The following NFKB1 variants were observed in gnomAD, a reference collection of about 807,000 sequenced individuals.
NFKB1 encodes nuclear factor kappa B subunit 1, also known as nuclear factor NF-kappa-B p105 subunit.
In NFKB1, 9 loss-of-function variants were observed where a neutral mutation model predicts 105.1. That is an observed-to-expected ratio of 0.09 (90% CI 0.05 to 0.15). NFKB1 has a LOEUF of 0.15. Among genes scored for constraint, NFKB1 ranks in the 10% least tolerant of loss-of-function variants. NFKB1 has a pLI of 1.00. For missense variants in NFKB1, 830 were observed against 1,203.7 expected (o/e 0.69, Z 4.59); for synonymous variants, 440 against 442.2 (o/e 1.00, Z 0.06).
At chr4:102,519,184 ACATT>A (rs533059648) in intron 1 of NFKB1, among the ~76,000 whole-genome samples, 86 of 151,362 alleles carry the variant, frequency 5.7e-4, no homozygotes, top group African/African-American at 1.8e-3. Context: ...AGGAAGGAAA[ACATT>A]CAGGTAGTAT....
intron 9 of NFKB1, among the ~76,000 whole-genome samples, chr4:102,581,155 A>G (rs1320667352): frequency 2.6e-5 from 4 of 152,174 alleles, no homozygotes; most frequent in Non-Finnish European, 5.9e-5. Flanking sequence ...TTCTCTCACA[A>G]TTTTCCCTTT....
At chr4:102,539,575 C>T (rs1249382810) in intron 5 of NFKB1, among the ~76,000 whole-genome samples, 2 of 152,138 alleles carry the variant, frequency 1.3e-5, no homozygotes, top group African/African-American at 2.4e-5. Context: ...GCCTCACATC[C>T]TTTAGAACCT....
In NFKB1 at chr4:102,607,711, G is replaced by C; in HGVS notation, c.2187G>C (p.Gly729=). 1 of 1,614,182 alleles carries C rather than the reference G, an allele frequency of 6.2e-7. No homozygotes were observed. The highest frequency in any genetic ancestry group is 8.5e-7 in the Non-Finnish European group (1 of 1,180,022). ...CCACACCCCTGCATATAGCAGCTGG[G>C]AGAGGGTCCACCAGGCTGGCAGCTC... ...DGTTPLHIAA[G]RGSTRLAALL... The change falls in exon 19 of 24, where the codon GGG becomes GGC. Residue 729 remains glycine, a synonymous_variant. Transcript: ENST00000226574.
intron 13 of NFKB1, among the ~76,000 whole-genome samples, chr4:102,595,748 A>G (rs1414129883): frequency 1.3e-5 from 2 of 152,234 alleles, no homozygotes; most frequent in East Asian, 3.8e-4. Context: ...TAACTCCCAC[A>G]CTAAAGAATG....
intron 11 of NFKB1, among the ~76,000 whole-genome samples, chr4:102,592,222 A>G (rs559449881): frequency 1.3e-5 from 2 of 152,338 alleles, no homozygotes; most frequent in South Asian, 2.1e-4. Context: ...TGAAATGACA[A>G]TAATTTAGAA....
chr4:102,593,020 C>T (rs1158951405), intron 11 of NFKB1, among the ~76,000 whole-genome samples: 1 of 152,160 alleles, frequency 6.6e-6, no homozygotes, highest in African/African-American at 2.4e-5. Flanking sequence ...TTATTTCCAG[C>T]ATTTAGCTCA....
At chr4:102,519,290 GTATAT>G (rs1740411245) in intron 1 of NFKB1, among the ~76,000 whole-genome samples, 2 of 146,668 alleles carry the variant, frequency 1.4e-5, no homozygotes, top group African/African-American at 5.0e-5. Flanking sequence ...TCATATATAA[GTATAT>G]TATATATTAT....
chr4:102,522,677 A>G (rs1253694952), intron 1 of NFKB1, among the ~76,000 whole-genome samples: 1 of 152,208 alleles, frequency 6.6e-6, no homozygotes, highest in East Asian at 1.9e-4. Context: ...AATCAGTATA[A>G]TTAACACATC....
chr4:102,615,087 ATTCTC>A (rs1385343654), intron 23 of NFKB1, among the ~76,000 whole-genome samples: 1 of 151,972 alleles, frequency 6.6e-6, no homozygotes, highest in African/African-American at 2.4e-5. Context: ...CCTTCAGTCC[ATTCTC>A]TGCCCAACAG....
Position 102,525,435 on chromosome 4 carries a change from C to T in NFKB1, c.-7-77C>T, listed in dbSNP as rs754653057. ...ACTGGTATAATACAGTTTATTCCTGCATGAATTCCATGGTGATAGAATTTT... is the reference window on the plus strand; with the variant it reads ...ACTGGTATAATACAGTTTATTCCTGTATGAATTCCATGGTGATAGAATTTT... On this transcript the variant is annotated intron_variant, in intron 1 of 23. Transcript: ENST00000226574. 2.2e-6 allele frequency: 3 copies of T among 1,378,894 alleles called. No homozygotes were observed. In the African/African-American group the frequency reaches 4.3e-5, roughly 20 times the overall value. The allele number at this position is 1,378,894 out of a possible 1,614,324, so 85.4% of individuals were successfully genotyped here. A position where few individuals can be genotyped will look rare whatever the true frequency, so the allele number is the denominator to read the frequency against.
chr4:102,511,015 G>T (rs1739742333), intron 1 of NFKB1: 2 of 1,102,604 alleles, frequency 1.8e-6, no homozygotes, highest in Admixed American at 2.6e-5. Flanking sequence ...AGATGAGGAG[G>T]GGTGGAGTAG....
At chr4:102,561,200 T>C (rs1484690953) in intron 5 of NFKB1, among the ~76,000 whole-genome samples, 4 of 152,148 alleles carry the variant, frequency 2.6e-5, no homozygotes, top group Non-Finnish European at 5.9e-5. Context: ...CAATAAAGCC[T>C]GACTGTTTTT....
chr4:102,505,844 TTAAA>T (rs775787636), intron 1 of NFKB1, among the ~76,000 whole-genome samples: 13 of 152,248 alleles, frequency 8.5e-5, no homozygotes, highest in African/African-American at 1.7e-4. Flanking sequence ...TCATTAACTG[TTAAA>T]TGAATGAATG....
chr4:102,610,154 A>G (rs937377722), intron 19 of NFKB1, among the ~76,000 whole-genome samples: 4 of 152,236 alleles, frequency 2.6e-5, no homozygotes, highest in Non-Finnish European at 5.9e-5. Flanking sequence ...TGAGTGTCCA[A>G]GAAAAGGGGC....
chr4:102,505,680 T>C (rs1412988054), intron 1 of NFKB1, among the ~76,000 whole-genome samples: 11 of 152,074 alleles, frequency 7.2e-5, no homozygotes, highest in Admixed American at 7.2e-4. Flanking sequence ...ATTTATTCTT[T>C]AAAATAGCCA....
intron 3 of NFKB1, among the ~76,000 whole-genome samples, chr4:102,532,316 A>G (rs1017060720): frequency 3.3e-5 from 5 of 152,146 alleles, no homozygotes; most frequent in African/African-American, 1.2e-4. Flanking sequence ...CTGATTTATC[A>G]TAATATTGAA....
intron 3 of NFKB1, among the ~76,000 whole-genome samples, chr4:102,531,675 A>AC (rs1173010636): frequency 6.6e-6 from 1 of 152,190 alleles, no homozygotes; most frequent in Non-Finnish European, 1.5e-5. Context: ...AAAACAACAA[A>AC]TACATGCATA....
chr4:102,520,226 G>GCGTA (rs1740476150), intron 1 of NFKB1, among the ~76,000 whole-genome samples: 1 of 152,188 alleles, frequency 6.6e-6, no homozygotes, highest in Admixed American at 6.5e-5. Context: ...GGAATTGTCA[G>GCGTA]CGTACCCATA....
chr4:102,546,100 T>A (rs1429704171), intron 5 of NFKB1, among the ~76,000 whole-genome samples: 2 of 152,082 alleles, frequency 1.3e-5, no homozygotes, highest in Non-Finnish European at 2.9e-5. Flanking sequence ...TAAAAAAAAT[T>A]TTTTAAAGAA....
Sources: gnomAD v4.1 joint callset for allele counts (sites outside exome capture counted in the v4.1 genomes callset) on GRCh38, gnomAD v4.1.1 for gene constraint, MANE v1.5 for transcripts, NCBI Gene and HGNC (gene_info 2026-07-23, HGNC 2026-07-21) for gene names.